Variants in EPB41L4A observed in about 807,000 individuals in gnomAD.
EPB41L4A encodes the protein band 4.1-like protein 4A.
EPB41L4A carries 100 observed loss-of-function variants against 108.6 expected under a neutral mutation model. That is an observed-to-expected ratio of 0.92 (90% CI 0.78 to 1.09). EPB41L4A has a LOEUF of 1.09. EPB41L4A is among the 50% of genes least tolerant of loss of function. The pLI is 0.00. For synonymous variants in EPB41L4A, 319 were observed against 289.0 expected (o/e 1.10, Z -1.05); for missense variants, 1,030 against 842.7 (o/e 1.22, Z -2.75).
intron 1 of EPB41L4A, among the ~76,000 whole-genome samples, chr5:112,385,561 C>T (rs542486788): frequency 6.9e-5 from 10 of 145,748 alleles, no homozygotes; most frequent in African/African-American, 2.5e-4. Context: ...AAAGCACAAT[C>T]AATTAAAAAA....
chr5:112,329,336 C>G (rs1304585126), intron 1 of EPB41L4A, among the ~76,000 whole-genome samples: 3 of 152,132 alleles, frequency 2.0e-5, no homozygotes, highest in Admixed American at 2.0e-4. Flanking sequence ...CTGAAGAGCA[C>G]CATAGTGAAG....
chr5:112,217,080 G>C (rs1327769633), intron 12 of EPB41L4A, among the ~76,000 whole-genome samples: 1 of 151,972 alleles, frequency 6.6e-6, no homozygotes, highest in East Asian at 1.9e-4. Flanking sequence ...GAGTAGCTGG[G>C]ATTACAGGCA....
intron 1 of EPB41L4A, among the ~76,000 whole-genome samples, chr5:112,315,225 AACCT>A (rs1418348916): frequency 1.3e-5 from 2 of 152,180 alleles, no homozygotes; most frequent in East Asian, 3.9e-4. Context: ...CCCTCCATTG[AACCT>A]ACCAAGTTTC....
intron 1 of EPB41L4A, among the ~76,000 whole-genome samples, chr5:112,331,889 T>G (rs1441987850): frequency 6.6e-6 from 1 of 152,110 alleles, no homozygotes; most frequent in Non-Finnish European, 1.5e-5. Context: ...ACTACCTGGG[T>G]TTTTTCAATG....
rs552916969 is a variant in EPB41L4A, at chr5:112,377,236, A to T, written c.99+41705T>A. ...GTTTGAAAAAAAAAAAAAAAAGACA[A>T]TATGTGGAATCTTTGAGATAATGGA... On this transcript the variant is annotated intron_variant, in intron 1 of 22. Coordinates refer to ENST00000261486, the MANE Select transcript of EPB41L4A (RefSeq NM_022140.5). Among the ~76,000 whole-genome samples the T allele has an allele frequency of 7.0e-4, 106 of 151,660 alleles. 2 individuals are homozygous for T. In the South Asian group the frequency reaches 0.017, roughly 25 times the overall value.
chr5:112,270,578 G>C (rs1281804271), intron 4 of EPB41L4A, among the ~76,000 whole-genome samples: 3 of 152,110 alleles, frequency 2.0e-5, no homozygotes, highest in East Asian at 3.8e-4. Context: ...GAAACAAATA[G>C]CAGTAACATC....
intron 6 of EPB41L4A, chr5:112,264,675 G>T (rs1751725606): frequency 2.8e-6 from 1 of 356,812 alleles, no homozygotes. Context: ...CCAAAAAATG[G>T]TAACTTTACA....
intron 12 of EPB41L4A, among the ~76,000 whole-genome samples, chr5:112,233,996 G>A (rs1276565692): frequency 6.6e-6 from 1 of 151,392 alleles, no homozygotes; most frequent in African/African-American, 2.4e-5. Context: ...GCCCAGCCAA[G>A]ATTTTATGTA....
At chr5:112,374,249 G>A (rs1318951257) in intron 1 of EPB41L4A, among the ~76,000 whole-genome samples, 1 of 152,142 alleles carries the variant, frequency 6.6e-6, no homozygotes, top group Non-Finnish European at 1.5e-5. Context: ...GATTGGGAGT[G>A]GAAACAAAAA....
At chr5:112,333,635 C>T (rs1756726476) in intron 1 of EPB41L4A, among the ~76,000 whole-genome samples, 1 of 152,190 alleles carries the variant, frequency 6.6e-6, no homozygotes, top group Admixed American at 6.6e-5. Context: ...CTCTCCCCTC[C>T]ACTCACACAC....
intron 1 of EPB41L4A, among the ~76,000 whole-genome samples, chr5:112,410,050 G>A (rs963877080): frequency 3.3e-5 from 5 of 152,106 alleles, no homozygotes; most frequent in African/African-American, 7.2e-5. Context: ...CTCCAGCTCC[G>A]CATCAAGGAG....
intron 1 of EPB41L4A, among the ~76,000 whole-genome samples, chr5:112,336,200 C>A (rs1580709213): frequency 6.6e-6 from 1 of 152,116 alleles, no homozygotes; most frequent in Non-Finnish European, 1.5e-5. Flanking sequence ...AGTGGCAAAT[C>A]CAGAAACAAA....
intron 12 of EPB41L4A, among the ~76,000 whole-genome samples, chr5:112,213,504 A>C (rs778033850): frequency 1.3e-5 from 2 of 151,926 alleles, no homozygotes; most frequent in Non-Finnish European, 2.9e-5. Flanking sequence ...ATGCACCACC[A>C]CGCCCGGCTA....
chr5:112,237,784 T>A (rs1749456828), intron 11 of EPB41L4A, among the ~76,000 whole-genome samples: 1 of 152,134 alleles, frequency 6.6e-6, no homozygotes, highest in Admixed American at 6.5e-5. Context: ...CTGCCTAACC[T>A]CTGGGCATCG....
chr5:112,268,146 C>T (rs1751995927), intron 4 of EPB41L4A, among the ~76,000 whole-genome samples: 1 of 152,222 alleles, frequency 6.6e-6, no homozygotes, highest in Admixed American at 6.5e-5. Flanking sequence ...CTGTGGGAGG[C>T]TGAGGCAGGT....
In EPB41L4A at chr5:112,324,671, G is replaced by C. The variant is rs1295857519; in HGVS notation, c.100-17181C>G. ...CCAGGGGCGGAAGTTGCAGTGAGCC[G>C]AGATCACACCACTGCACTCCATCCT... On this transcript the variant is annotated intron_variant, in intron 1 of 22. Coordinates refer to ENST00000261486, the MANE Select transcript of EPB41L4A (RefSeq NM_022140.5). Among the ~76,000 whole-genome samples the C allele has an allele frequency of 4.1e-5, 6 of 146,366 alleles. No individual in the cohort carries two copies. In the East Asian group the frequency reaches 1.0e-3, roughly 25 times the overall value.
chr5:112,373,099 A>C (rs995927767), intron 1 of EPB41L4A, among the ~76,000 whole-genome samples: 2 of 152,226 alleles, frequency 1.3e-5, no homozygotes, highest in Non-Finnish European at 1.5e-5. Flanking sequence ...ACAGATCCCC[A>C]CACTGCAGAC....
intron 17 of EPB41L4A, among the ~76,000 whole-genome samples, chr5:112,184,724 G>A (rs1761337968): frequency 6.6e-6 from 1 of 152,164 alleles, no homozygotes. Context: ...ATGACAGTTG[G>A]ATGCTGGATG....
chr5:112,222,684 G>A (rs1486561453), intron 12 of EPB41L4A, among the ~76,000 whole-genome samples: 2 of 152,172 alleles, frequency 1.3e-5, no homozygotes, highest in Non-Finnish European at 2.9e-5. Flanking sequence ...CCTGGTACCT[G>A]GACCGTAAAG....
Sources: gnomAD v4.1 joint callset for allele counts (sites outside exome capture counted in the v4.1 genomes callset) on GRCh38, gnomAD v4.1.1 for gene constraint, MANE v1.5 for transcripts, NCBI Gene and HGNC (gene_info 2026-07-23, HGNC 2026-07-21) for gene names.